The following ANKRD10 variants were observed in gnomAD, a reference collection of about 807,000 sequenced individuals.
ANKRD10 encodes ankyrin repeat domain-containing protein 10.
In ANKRD10, 14 loss-of-function variants were observed where a neutral mutation model predicts 27.0. The observed-to-expected ratio is 0.52, with a 90% CI of 0.34 to 0.81. The LOEUF is 0.81. Ranked by LOEUF, ANKRD10 falls within the 40% of genes least tolerant of loss-of-function variation. The probability of loss-of-function intolerance (pLI) is 0.01; values close to 1 mark genes in which losing one functional copy is unlikely to be tolerated. For missense variants in ANKRD10, 493 were observed against 544.0 expected, an observed-to-expected ratio of 0.91 and a Z score of 0.93; for synonymous variants, 250 against 224.5, an observed-to-expected ratio of 1.11 and a Z score of -1.01.
At position 110,893,276 on chromosome 13, in the gene ANKRD10, A is replaced by G. The variant is rs1254518906; in HGVS notation, c.456-13T>C. On this transcript the variant is annotated splice_polypyrimidine_tract_variant and intron_variant, in intron 3 of 5. Coordinates refer to ENST00000267339, the MANE Select transcript of ANKRD10 (RefSeq NM_017664.4). ...GGCATTTCTCAGGCTGTACAACACA[A>G]AAACACTGAATTACACCCCATCCGC... The G allele has an allele frequency of 1.2e-6, 2 of 1,612,972 alleles. No homozygotes were observed. Among genetic ancestry groups the G allele is most frequent in the South Asian group, 1.1e-5 (1 of 91,060 alleles).
intron 1 of ANKRD10, among the ~76,000 whole-genome samples, chr13:110,913,906 C>T (rs78000479): frequency 0.042 from 6,393 of 152,236 alleles, 238 homozygotes; most frequent in South Asian, 0.083. Context: ...GGTAGCTATC[C>T]AACCTTTTAA....
At chr13:110,889,326 C>T (rs2065015450) in intron 4 of ANKRD10, among the ~76,000 whole-genome samples, 1 of 131,954 alleles carries the variant, frequency 7.6e-6, no homozygotes, top group Non-Finnish European at 1.8e-5. Context: ...TGAACAAAAT[C>T]CCACACTGAG....
At position 110,904,285 on chromosome 13, in the gene ANKRD10, A is replaced by G. The variant is rs1315501934; in HGVS notation, c.455+1748T>C. On this transcript the variant is annotated intron_variant, in intron 3 of 5. Coordinates refer to ENST00000267339, the MANE Select transcript of ANKRD10 (RefSeq NM_017664.4). ...GGCTCTTATACTGAGAAGGAAAAAC[A>G]GACTGGCACCTGAGCCCATCTCAGC... is the stretch of plus-strand genomic sequence containing the variant. The G allele has an allele frequency of 9.2e-5, 14 of 152,350 alleles. No homozygotes were observed. The East Asian group carries it at 2.7e-3, about 29-fold the overall frequency. The allele number at this position is 152,350 out of a possible 1,614,324, so 9.4% of individuals were successfully genotyped here. A position where few individuals can be genotyped will look rare whatever the true frequency, so the allele number is the denominator to read the frequency against.
At chr13:110,892,415 G>GAAAAAAAA (rs1381734881) in intron 4 of ANKRD10, among the ~76,000 whole-genome samples, 1 of 2,588 alleles carries the variant, frequency 3.9e-4, no homozygotes, top group Non-Finnish European at 5.7e-4. Flanking sequence ...GGGTGACAGA[G>GAAAAAAAA]CAAAAAAAAA....
intron 5 of ANKRD10, among the ~76,000 whole-genome samples, chr13:110,880,968 T>G (rs1009253442): frequency 6.6e-6 from 1 of 152,202 alleles, no homozygotes; most frequent in Non-Finnish European, 1.5e-5. Flanking sequence ...GGAAAAAATG[T>G]TGGTAGTTTA....
At chr13:110,888,185 G>GT (rs2138829303) in intron 4 of ANKRD10, among the ~76,000 whole-genome samples, 1 of 151,116 alleles carries the variant, frequency 6.6e-6, no homozygotes, top group African/African-American at 2.4e-5. Flanking sequence ...GGGGACTGGG[G>GT]GTTTGGCTCA....
chr13:110,910,953 T>G (rs919694717), intron 1 of ANKRD10, among the ~76,000 whole-genome samples, 183 bp from the exon 2 acceptor site: 2 of 152,226 alleles, frequency 1.3e-5, no homozygotes, highest in African/African-American at 4.8e-5. Context: ...CATATTCCCT[T>G]GTCCTTATGA....
At position 110,893,129 on chromosome 13, in the gene ANKRD10, C is replaced by T. The variant is rs2138840682; in HGVS notation, c.590G>A (p.Gly197Asp). ...HFYNNGILNG[G>D]HQNVFPNHIS... Reference sequence around the variant, plus strand: ...ATGATTAGGAAATACATTCTGATGACCCCCATTTAAGATGCCATTGTTATA... The same window carrying T: ...ATGATTAGGAAATACATTCTGATGATCCCCATTTAAGATGCCATTGTTATA... The change falls in exon 4 of 6, where the codon GGT becomes GAT. Residue 197 changes from glycine (G) to aspartate (D), a missense_variant. Physicochemically the swap from Gly to Asp is moderately conservative, Grantham distance 94. Coordinates refer to ENST00000267339, the MANE Select transcript of ANKRD10 (RefSeq NM_017664.4). 2 of 1,614,188 alleles carry T rather than the reference C, an allele frequency of 1.2e-6. No homozygotes were observed. Among genetic ancestry groups the T allele is most frequent in the Non-Finnish European group, 8.5e-7 (1 of 1,180,022 alleles).
chr13:110,888,940 T>C (rs181355098), intron 4 of ANKRD10, among the ~76,000 whole-genome samples: 1 of 152,222 alleles, frequency 6.6e-6, no homozygotes, highest in Non-Finnish European at 1.5e-5. Flanking sequence ...GGGGCAAATG[T>C]CCCAATTGTG....
At chr13:110,880,260 G>C in intron 5 of ANKRD10, 148 bp from the exon 6 acceptor site, 1 of 698,704 alleles carries the variant, frequency 1.4e-6, no homozygotes, top group Non-Finnish European at 2.3e-6. Context: ...TAAAATCAAT[G>C]TGCATAAGTA....
intron 3 of ANKRD10, among the ~76,000 whole-genome samples, chr13:110,895,723 C>T (rs1045766518): frequency 5.3e-5 from 8 of 152,196 alleles, no homozygotes; most frequent in African/African-American, 1.7e-4. Context: ...GAAGACTACA[C>T]TGAATTTGGG....
chr13:110,884,134 T>TC (rs1462448365), intron 4 of ANKRD10, among the ~76,000 whole-genome samples: 1 of 152,104 alleles, frequency 6.6e-6, no homozygotes, highest in Non-Finnish European at 1.5e-5. Flanking sequence ...AGCAGATTTT[T>TC]TTTTAATACT....
intron 3 of ANKRD10, among the ~76,000 whole-genome samples, chr13:110,897,684 A>ATATATGGATTTT (rs1566472827): frequency 1.3e-5 from 2 of 152,156 alleles, no homozygotes; most frequent in Admixed American, 6.5e-5. Context: ...AGATGTCTCC[A>ATATATGGATTTT]TATATGGATT....
chr13:110,902,339 T>C (rs1191404191), intron 3 of ANKRD10, among the ~76,000 whole-genome samples: 1 of 146,672 alleles, frequency 6.8e-6, no homozygotes, highest in African/African-American at 2.5e-5. Flanking sequence ...CTAATGAAAA[T>C]CTGGTTTCTA....
At chr13:110,893,005 T>C (rs762674401) in intron 4 of ANKRD10, 23 bp downstream of exon 4, 6 of 1,611,990 alleles carry the variant, frequency 3.7e-6, no homozygotes, top group African/African-American at 1.3e-5. Flanking sequence ...AGTGTGCTCT[T>C]CCCACCCGCA....
At chr13:110,896,160 G>GT (rs1206190375) in intron 3 of ANKRD10, among the ~76,000 whole-genome samples, 1 of 152,216 alleles carries the variant, frequency 6.6e-6, no homozygotes, top group Non-Finnish European at 1.5e-5. Flanking sequence ...TATTGGACAG[G>GT]TATCGGAATC....
At chr13:110,896,450 C>T (rs761508999) in intron 3 of ANKRD10, among the ~76,000 whole-genome samples, 46 of 152,346 alleles carry the variant, frequency 3.0e-4, no homozygotes, top group Admixed American at 5.9e-4. Flanking sequence ...ACCACCATCT[C>T]TTGCCCCTGA....
intron 3 of ANKRD10, chr13:110,894,309 C>A (rs1239708101): frequency 3.4e-6 from 2 of 592,218 alleles, no homozygotes; most frequent in African/African-American, 3.8e-5. Flanking sequence ...ACACTACATC[C>A]ACAGCAAAAG....
chr13:110,901,495 C>T (rs887472007), intron 3 of ANKRD10, among the ~76,000 whole-genome samples: 3 of 152,206 alleles, frequency 2.0e-5, no homozygotes, highest in Non-Finnish European at 4.4e-5. Flanking sequence ...TTAGCAAACA[C>T]TGGTTTTATT....
Sources: gnomAD v4.1 joint callset for allele counts (sites outside exome capture counted in the v4.1 genomes callset) on GRCh38, gnomAD v4.1.1 for gene constraint, MANE v1.5 for transcripts, NCBI Gene and HGNC (gene_info 2026-07-23, HGNC 2026-07-21) for gene names.